The following LRBA variants were observed in gnomAD, a reference collection of about 807,000 sequenced individuals.
LRBA encodes the protein LPS responsive beige-like anchor protein, also known as lipopolysaccharide-responsive and beige-like anchor protein.
A neutral mutation model predicts 330.0 loss-of-function variants in LRBA; 176 were observed. The observed-to-expected ratio is 0.53, with a 90% CI of 0.47 to 0.60. The LOEUF is 0.60. Among genes scored for constraint, LRBA ranks in the 20% least tolerant of loss-of-function variants. The pLI is 0.00. For missense variants in LRBA, 3,259 were observed against 3,444.8 expected (o/e 0.95, Z 1.35); for synonymous variants, 1,230 against 1,193.0 (o/e 1.03, Z -0.64).
Position 150,348,955 on chromosome 4 carries a change from T to G in LRBA, c.7362+1037A>C, listed in dbSNP as rs8180280. 7.9e-3 allele frequency among the ~76,000 whole-genome samples: 1,204 copies of G among 152,230 alleles called. 57 individuals are homozygous for G. The East Asian group carries it at 0.1, about 13-fold the overall frequency. ...CCCAGAAGGAGTATTTTCAAAAAAC[T>G]GAACAACTGGAAGAGTCTTTAAGAG... On this transcript the variant is annotated intron_variant, in intron 48 of 56. Transcript: ENST00000651943.
At chr4:150,722,764 C>T (rs1729100336) in intron 36 of LRBA, among the ~76,000 whole-genome samples, 1 of 151,784 alleles carries the variant, frequency 6.6e-6, no homozygotes, top group Non-Finnish European at 1.5e-5. Context: ...TGAGCGATCA[C>T]AGTACTTGTT....
At chr4:150,647,513 C>T (rs1169883054) in intron 37 of LRBA, among the ~76,000 whole-genome samples, 1 of 150,908 alleles carries the variant, frequency 6.6e-6, no homozygotes, top group Non-Finnish European at 1.5e-5. Context: ...TGCATACCAA[C>T]ACACCTAGTA....
At chr4:150,410,044 A>C (rs1265917494) in intron 47 of LRBA, among the ~76,000 whole-genome samples, 1 of 152,150 alleles carries the variant, frequency 6.6e-6, no homozygotes, top group Non-Finnish European at 1.5e-5. Flanking sequence ...GGAAACAATA[A>C]CAACAAAAAA....
intron 47 of LRBA, among the ~76,000 whole-genome samples, chr4:150,362,096 C>T (rs1034446037): frequency 6.6e-6 from 1 of 152,082 alleles, no homozygotes; most frequent in Non-Finnish European, 1.5e-5. Flanking sequence ...TTTTGGTGTG[C>T]TTCACATAAC....
At chr4:150,965,896 G>A (rs1738826101) in intron 2 of LRBA, among the ~76,000 whole-genome samples, 1 of 152,008 alleles carries the variant, frequency 6.6e-6, no homozygotes, top group South Asian at 2.1e-4. Flanking sequence ...ATGAGCAAGG[G>A]ATAATGTATG....
At chr4:150,695,052 TTATTAACAATA>T in intron 36 of LRBA, among the ~76,000 whole-genome samples, 1 of 152,348 alleles carries the variant, frequency 6.6e-6, no homozygotes, top group Non-Finnish European at 1.5e-5. Context: ...TTTAGAGTAC[TTATTAACAATA>T]AAACCCACAA....
At chr4:150,346,757 C>CCAAAAAAAAAAAA (rs1206950764) in intron 48 of LRBA, among the ~76,000 whole-genome samples, 4 of 66,136 alleles carry the variant, frequency 6.0e-5, no homozygotes, top group African/African-American at 3.1e-4. Flanking sequence ...GACTCTGTCT[C>CCAAAAAAAAAAAA]AAAAAAAAAA....
chr4:150,762,465 A>G (rs1253062143), intron 34 of LRBA, among the ~76,000 whole-genome samples: 2 of 151,894 alleles, frequency 1.3e-5, no homozygotes, highest in African/African-American at 4.8e-5. Context: ...CAATCCATTA[A>G]AAAGCCTAGG....
At chr4:150,794,152 G>C (rs555779155) in intron 34 of LRBA, among the ~76,000 whole-genome samples, 9 of 152,262 alleles carry the variant, frequency 5.9e-5, no homozygotes, top group African/African-American at 1.7e-4. Context: ...CCAAGACACA[G>C]AAATATAATG....
intron 35 of LRBA, 89 bp from the exon 36 acceptor site, chr4:150,735,455 A>C: frequency 1.2e-6 from 1 of 841,222 alleles, no homozygotes; most frequent in Non-Finnish European, 2.0e-6. Context: ...AGGAAGGAAT[A>C]CTTACTTTCT....
At chr4:150,383,260 C>CT (rs928564475) in intron 47 of LRBA, among the ~76,000 whole-genome samples, 1 of 151,938 alleles carries the variant, frequency 6.6e-6, no homozygotes, top group Admixed American at 6.6e-5. Context: ...CTTTTCTTTT[C>CT]TTTTTTGAGA....
At chr4:150,671,481 T>A (rs927003435) in intron 37 of LRBA, among the ~76,000 whole-genome samples, 8 of 152,306 alleles carry the variant, frequency 5.3e-5, no homozygotes, top group African/African-American at 1.9e-4. Flanking sequence ...AACTAAATAG[T>A]ACATTGCCAA....
At chr4:151,004,022 AAATC>A (rs1743726572) in intron 2 of LRBA, among the ~76,000 whole-genome samples, 1 of 151,524 alleles carries the variant, frequency 6.6e-6, no homozygotes, top group South Asian at 2.1e-4. Context: ...TGGGTTCCAC[AAATC>A]TCCTGCCTCA....
intron 48 of LRBA, among the ~76,000 whole-genome samples, chr4:150,348,264 T>A (rs1381488809): frequency 6.6e-6 from 1 of 152,208 alleles, no homozygotes; most frequent in Non-Finnish European, 1.5e-5. Flanking sequence ...GTACTACTTG[T>A]TAACTAGCCA....
chr4:150,300,337 T>C (rs1729505800), intron 53 of LRBA, among the ~76,000 whole-genome samples: 1 of 152,116 alleles, frequency 6.6e-6, no homozygotes, highest in South Asian at 2.1e-4. Flanking sequence ...TTAGATGTGC[T>C]GTTATATTAT....
At chr4:150,690,828 ATGT>A (rs1275895534) in intron 36 of LRBA, among the ~76,000 whole-genome samples, 1 of 152,154 alleles carries the variant, frequency 6.6e-6, no homozygotes, top group Non-Finnish European at 1.5e-5. Flanking sequence ...GGGATAGGCA[ATGT>A]TGTTAGACTG....
chr4:150,888,426 A>G (rs1047252049), intron 17 of LRBA, among the ~76,000 whole-genome samples: 1 of 152,168 alleles, frequency 6.6e-6, no homozygotes, highest in South Asian at 2.1e-4. Context: ...TAAAACTTTA[A>G]GCTATATATA....
At chr4:150,457,788 C>T (rs970246198) in intron 44 of LRBA, among the ~76,000 whole-genome samples, 1 of 151,872 alleles carries the variant, frequency 6.6e-6, no homozygotes, top group African/African-American at 2.4e-5. Context: ...TCTAAACCTA[C>T]CTCAGTTTGT....
At chr4:150,270,042 A>G (rs1483459955) in intron 56 of LRBA, among the ~76,000 whole-genome samples, 1 of 152,202 alleles carries the variant, frequency 6.6e-6, no homozygotes, top group African/African-American at 2.4e-5. Context: ...CAAAACCACA[A>G]TGAGAGACCA....
Sources: allele counts gnomAD v4.1 joint callset (sites outside exome capture counted in the v4.1 genomes callset), GRCh38; gene constraint gnomAD v4.1.1; transcripts MANE v1.5; gene names NCBI Gene and HGNC (gene_info 2026-07-23, HGNC 2026-07-21).